IQCF5: variants seen among roughly 807,000 people sequenced by gnomAD.
The protein encoded by IQCF5 is IQ motif containing F5.
Under a neutral mutation model 3.4 loss-of-function variants are expected in IQCF5, and 2 were observed. The ratio of observed to expected loss-of-function variants is 0.58; its 90% CI spans 0.24 to 1.84. The LOEUF is 1.84. IQCF5 is among the 40% of genes most tolerant of loss of function. The pLI is 0.17. For synonymous variants in IQCF5, 58 were observed against 64.7 expected (o/e 0.90, Z 0.49); for missense variants, 167 against 191.6 (o/e 0.87, Z 0.76).
intron 1 of IQCF5, 55 bp downstream of exon 1, chr3:51,875,473 A>G: frequency 6.5e-7 from 1 of 1,548,668 alleles, no homozygotes; most frequent in Non-Finnish European, 8.7e-7. Context: ...CTTACAAAAC[A>G]TCTGACTGGG....
Position 51,873,867 on chromosome 3 carries a change from TG to T in IQCF5, c.312del (p.His104GlnfsTer43). On this transcript the variant is annotated frameshift_variant, in exon 2 of 2. Transcript: ENST00000446461. LOFTEE classifies it low-confidence loss of function (END_TRUNC). ...TCAATAAAGACACGGGAATGGCAGCTGTGCCAGCGCCAATAGACCTGGATGA... is the reference window on the plus strand; with the variant it reads ...TCAATAAAGACACGGGAATGGCAGCTTGCCAGCGCCAATAGACCTGGATGA... ...VRIIQVYWRW[H>X]SCHSRVFIEG... 3.9e-6 allele frequency: 6 copies of T among 1,551,770 alleles called. No homozygotes were observed. Among genetic ancestry groups the T allele is most frequent in the Non-Finnish European group, 5.2e-6 (6 of 1,147,000 alleles).
At chr3:51,875,414 G>T in intron 1 of IQCF5, 114 bp downstream of exon 1, 1 of 1,149,010 alleles carries the variant, frequency 8.7e-7, no homozygotes, top group South Asian at 1.3e-5. Flanking sequence ...ATGAGTAACT[G>T]TGGGGAACTT....
chr3:51,874,438 C>G (rs1440987678), intron 1 of IQCF5: 1 of 642,774 alleles, frequency 1.6e-6, no homozygotes, highest in Non-Finnish European at 2.9e-6. Context: ...ACCTTGCTGG[C>G]CAGTCTAGAG....
chr3:51,873,789 A>G lies in IQCF5; in HGVS notation c.391T>C (p.Leu131=), dbSNP rs369514112. 1.9e-5 allele frequency: 30 copies of G among 1,551,638 alleles called. No homozygotes were observed. Among genetic ancestry groups the G allele is most frequent in the African/African-American group, 4.1e-5 (3 of 73,052 alleles). ...TGCACCTTACAAGCCTGTAAGCCCA[A>G]AGAGATTTCAAGTTGAATATTAAGT... The part of the protein sequence containing the change: ...NQLNIQLEIS[L]GLQACKVQQC... Residue 131 remains leucine, a synonymous_variant, in exon 2 of 2, where the codon TTG becomes CTG. Transcript: ENST00000446461.
At chr3:51,875,311 C>T in intron 1 of IQCF5, 1 of 607,744 alleles carries the variant, frequency 1.6e-6, no homozygotes, top group Non-Finnish European at 3.0e-6. Flanking sequence ...GGTGCTCTCC[C>T]ACTGCTAGGT....
At position 51,874,154 on chromosome 3, in the gene IQCF5, A is replaced by G. The variant is rs1698771251; in HGVS notation, c.26T>C (p.Met9Thr). The G allele has an allele frequency of 1.9e-6, 3 of 1,551,396 alleles. No individual in the cohort carries two copies. Among genetic ancestry groups the G allele is most frequent in the African/African-American group, 1.4e-5 (1 of 73,044 alleles). ...GAAAACAGCTGCAGACCTTTCTGTC[A>G]TGATGGTCTTCTCTTCTGGGCCTTA... The part of the protein sequence containing the change: MGPEEKTI[M>T]TERSAAVFIQ... The change falls in exon 2 of 2, where the codon ATG becomes ACG. Residue 9 changes from methionine (M) to threonine (T), a missense_variant. Transcript: ENST00000446461.
rs200598264 is a variant in IQCF5, at chr3:51,874,166, T to C, written c.14A>G (p.Glu5Gly). 1.2e-3 allele frequency: 1,815 copies of C among 1,550,156 alleles called. 10 individuals carry two copies. Among genetic ancestry groups the C allele is most frequent in the South Asian group, 5.1e-3 (426 of 83,994 alleles). Residue 5 changes from glutamate (E) to glycine (G), a missense_variant, in exon 2 of 2, where the codon GAG (glutamate) becomes GGG (glycine). Transcript: ENST00000446461. ...AGACCTTTCTGTCATGATGGTCTTC[T>C]CTTCTGGGCCTTACAAGAGAAAACA... Reference protein sequence around the residue: MGPEEKTIMTERSAA... With the variant: MGPEGKTIMTERSAA...
intron 1 of IQCF5, chr3:51,874,544 T>C (rs887287437): frequency 4.6e-6 from 2 of 433,552 alleles, no homozygotes; most frequent in African/African-American, 2.0e-5. Flanking sequence ...AGAAGTGGTG[T>C]CCTTTGCTCC....
In IQCF5 at chr3:51,874,029, TC is replaced by T; in HGVS notation, c.150del (p.Lys51SerfsTer96). 6.4e-7 allele frequency: 1 copy of T among 1,553,120 alleles called. No homozygotes were observed. Among genetic ancestry groups the T allele is most frequent in the Non-Finnish European group, 8.7e-7 (1 of 1,147,700 alleles). On this transcript the variant is annotated frameshift_variant, in exon 2 of 2. Coordinates refer to ENST00000446461, the MANE Select transcript of IQCF5 (RefSeq NM_001145059.2). LOFTEE classifies it low-confidence loss of function (END_TRUNC). ...ATCCTCCGCCTCTTTGCCAGCAGCT[TC>T]TCCAGCACCTGCCTCCACCAGCACT... ...IIQCWWRQVL[E>X]KLLAKRRRMV...
chr3:51,873,813 G>C lies in IQCF5; in HGVS notation c.367C>G (p.Leu123Val), dbSNP rs1698764224. ...AAAGAGATTTCAAGTTGAATATTAA[G>C]TTGGTTTTCTTTGAGTTCATAGTGG... ...EGHYELKENQLNIQLEISLGL... is the reference protein window; with the variant it reads ...EGHYELKENQVNIQLEISLGL... The change falls in exon 2 of 2, where the codon CTT becomes GTT. Residue 123 changes from leucine to valine, a missense_variant. Physicochemically the swap from Leu to Val is conservative, Grantham distance 32 (BLOSUM62 1). Coordinates refer to ENST00000446461, the MANE Select transcript of IQCF5 (RefSeq NM_001145059.2). The C allele has an allele frequency of 1.9e-6, 3 of 1,551,646 alleles. No homozygotes were observed. Among genetic ancestry groups the C allele is most frequent in the East Asian group, 2.4e-5 (1 of 40,940 alleles).
At chr3:51,874,327 G>A (rs1304449690) in intron 1 of IQCF5, 152 bp from the exon 2 acceptor site, 3 of 763,444 alleles carry the variant, frequency 3.9e-6, no homozygotes, top group South Asian at 1.5e-5. Flanking sequence ...CCACCCACAG[G>A]TTAGTGGATG....
chr3:51,874,560 C>T, intron 1 of IQCF5: 2 of 411,820 alleles, frequency 4.9e-6, no homozygotes, highest in South Asian at 3.8e-5. Context: ...GCTCCTCCTG[C>T]CCTCTTTACT....
rs199564539 is a variant in IQCF5 at position 51,874,097 on chromosome 3, C to T, written c.83G>A (p.Arg28Gln). The change falls in exon 2 of 2, where the codon CGA becomes CAA. Residue 28 changes from arginine to glutamine, a missense_variant. Transcript: ENST00000446461. Reference sequence around the variant, plus strand: ...GAGGGCTGCATGCAGCAGTGTGCGTCGCACCAGCATGCCCCGCCACCAGGC... The same window carrying T: ...GAGGGCTGCATGCAGCAGTGTGCGTTGCACCAGCATGCCCCGCCACCAGGC... ...IQAWWRGMLV[R>Q]RTLLHAALRA... 449 of 1,552,634 alleles carry T rather than the reference C, an allele frequency of 2.9e-4. No individual in the cohort carries two copies. The highest frequency in any genetic ancestry group is 2.8e-3 in the Middle Eastern group (17 of 6,014).
Position 51,875,395 on chromosome 3 carries a change from G to A in IQCF5, c.4+133C>T, listed in dbSNP as rs76923764. 6,868 of 936,752 alleles carry A rather than the reference G, an allele frequency of 7.3e-3. 297 individuals carry two copies. In the African/African-American group the frequency reaches 0.095, roughly 13 times the overall value. The allele number at this position is 936,752 out of a possible 1,614,324, so 58.0% of individuals were successfully genotyped here. On this transcript the variant is annotated intron_variant, in intron 1 of 1. Transcript: ENST00000446461. ...CTCTAGGACTTCAAACATGGAGGGG[G>A]GTCCTGTCATGAGTAACTGTGGGGA...
chr3:51,874,232 A>C, intron 1 of IQCF5, 57 bp from the exon 2 acceptor site: 1 of 1,486,632 alleles, frequency 6.7e-7, no homozygotes. Context: ...CTGATCCTCT[A>C]TCAATGATGG....
Position 51,875,513 on chromosome 3 carries a change from A to C in IQCF5, c.4+15T>G. On this transcript the variant is annotated intron_variant, in intron 1 of 1. Coordinates refer to ENST00000446461, the MANE Select transcript of IQCF5 (RefSeq NM_001145059.2). ...GGTCGTAAAATTCGCACAGGTCTGG[A>C]CTTTACTAAATTACCCATGGTTAGG... 1 of 1,552,148 alleles carries C rather than the reference A, an allele frequency of 6.4e-7. No homozygotes were observed. The highest frequency in any genetic ancestry group is 8.7e-7 in the Non-Finnish European group (1 of 1,147,084).
In IQCF5 at chr3:51,873,860, T is replaced by TTG. The variant is rs1244834632; in HGVS notation, c.319_320insCA (p.His107ProfsTer41). 1.9e-6 allele frequency: 3 copies of TTG among 1,551,766 alleles called. No individual in the cohort carries two copies. Among genetic ancestry groups the TTG allele is most frequent in the African/African-American group, 2.7e-5 (2 of 73,184 alleles). ...GTGGCCCTCAATAAAGACACGGGAATGGCAGCTGTGCCAGCGCCAATAGAC... is the reference window on the plus strand; with the variant it reads ...GTGGCCCTCAATAAAGACACGGGAATTGGGCAGCTGTGCCAGCGCCAATAGAC... On this transcript the variant is annotated frameshift_variant, in exon 2 of 2. Coordinates refer to ENST00000446461, the MANE Select transcript of IQCF5 (RefSeq NM_001145059.2). LOFTEE classifies it low-confidence loss of function (END_TRUNC).
chr3:51,874,269 G>T, intron 1 of IQCF5, 94 bp from the exon 2 acceptor site: 1 of 1,287,854 alleles, frequency 7.8e-7, no homozygotes, highest in Non-Finnish European at 1.1e-6. Flanking sequence ...TCAGCACTGG[G>T]CAGGGCAACA....
rs1698765330 is a variant in IQCF5, at chr3:51,873,874, G to C, written c.306C>G (p.Arg102=). 1 of 1,551,652 alleles carries C rather than the reference G, an allele frequency of 6.4e-7. No individual in the cohort carries two copies. Among genetic ancestry groups the C allele is most frequent in the South Asian group, 1.2e-5 (1 of 84,070 alleles). The stretch of plus-strand genomic sequence containing the variant: ...AGACACGGGAATGGCAGCTGTGCCA[G>C]CGCCAATAGACCTGGATGATGCGGA... The part of the protein sequence containing the change: ...NAVRIIQVYW[R]WHSCHSRVFI... The change falls in exon 2 of 2, where the codon CGC becomes CGG. Residue 102 remains arginine, a synonymous_variant. Coordinates refer to ENST00000446461, the MANE Select transcript of IQCF5 (RefSeq NM_001145059.2).
Sources: gnomAD v4.1 joint callset for allele counts on GRCh38, gnomAD v4.1.1 for gene constraint, MANE v1.5 for transcripts, NCBI Gene and HGNC (gene_info 2026-07-23, HGNC 2026-07-21) for gene names.